The following EIF4EBP2 variants were observed in gnomAD, a reference collection of about 807,000 sequenced individuals.
EIF4EBP2 encodes the protein eukaryotic translation initiation factor 4E binding protein 2, also known as eukaryotic translation initiation factor 4E-binding protein 2.
Under a neutral mutation model 10.3 loss-of-function variants are expected in EIF4EBP2, and 5 were observed. The observed-to-expected ratio is 0.48, with a 90% confidence interval of 0.25 to 1.02. EIF4EBP2 has a LOEUF of 1.02. EIF4EBP2 is among the 50% of genes least tolerant of loss of function. EIF4EBP2 has a pLI of 0.15. For synonymous variants in EIF4EBP2, 67 were observed against 61.1 expected, an observed-to-expected ratio of 1.10 and a Z score of -0.45; for missense variants, 188 against 162.2, an observed-to-expected ratio of 1.16 and a Z score of -0.86.
Position 70,426,289 on chromosome 10 carries a change from G to T in EIF4EBP2, c.*4542G>T, listed in dbSNP as rs1188968515. 1 of 152,116 alleles carries T rather than the reference G, an allele frequency of 6.6e-6. No individual in the cohort carries two copies. Among genetic ancestry groups the T allele is most frequent in the African/African-American group, 2.4e-5 (1 of 41,420 alleles). 9.4% of individuals were successfully genotyped at this position (152,116 alleles called of 1,614,324 possible). On this transcript the variant is annotated 3_prime_UTR_variant, in exon 3 of 3. Transcript: ENST00000373218. ...TTCTTTCTTTTTTTCTGAGACAAGA[G>T]TTGCGCCCTGTCGCCCAGGCTGGGG...
intron 1 of EIF4EBP2, among the ~76,000 whole-genome samples, chr10:70,413,382 T>C (rs915996615): frequency 2.0e-5 from 3 of 151,206 alleles, no homozygotes; most frequent in Non-Finnish European, 2.9e-5. Flanking sequence ...TCCCAACACT[T>C]TGTGAGGCCA....
intron 2 of EIF4EBP2, among the ~76,000 whole-genome samples, chr10:70,421,445 CT>C (rs2137232745): frequency 6.6e-6 from 1 of 152,318 alleles, no homozygotes; most frequent in South Asian, 2.1e-4. Context: ...TCCCCAAGAG[CT>C]GCTGTTTAGT....
In EIF4EBP2 at chr10:70,404,562, C is replaced by G; in HGVS notation, c.145+16C>G. ...ACACCGGGAGGTGAGCGCCGGCCAG[C>G]CGTCCGCCGCGCCCGGTGTCCCGCC... On this transcript the variant is annotated intron_variant, in intron 1 of 2. Coordinates refer to ENST00000373218, the MANE Select transcript of EIF4EBP2 (RefSeq NM_004096.5). The G allele has an allele frequency of 2.6e-6, 4 of 1,527,824 alleles. No homozygotes were observed. Among genetic ancestry groups the G allele is most frequent in the Non-Finnish European group, 3.5e-6 (4 of 1,141,914 alleles). 94.6% of individuals were successfully genotyped at this position (1,527,824 alleles called of 1,614,324 possible).
At chr10:70,411,521 C>G (rs1046278291) in intron 1 of EIF4EBP2, among the ~76,000 whole-genome samples, 5 of 152,316 alleles carry the variant, frequency 3.3e-5, no homozygotes, top group African/African-American at 1.2e-4. Flanking sequence ...TTTCCACTCT[C>G]AGAGAAACCA....
rs1845212342 is a variant in EIF4EBP2, at chr10:70,427,119, G to A, written c.*5372G>A. ...AAGCCACACTGCCTTTCTGTGTCTG[G>A]TTCAGAGCTCTTCCTTCTTGGCATG... On this transcript the variant is annotated 3_prime_UTR_variant, in exon 3 of 3. Coordinates refer to ENST00000373218, the MANE Select transcript of EIF4EBP2 (RefSeq NM_004096.5). The A allele has an allele frequency of 6.6e-6, 1 of 152,164 alleles. No homozygotes were observed. Among genetic ancestry groups the A allele is most frequent in the African/African-American group, 2.4e-5 (1 of 41,436 alleles). 9.4% of individuals were successfully genotyped at this position (152,164 alleles called of 1,614,324 possible). A position where few individuals can be genotyped will look rare whatever the true frequency, so the allele number is the denominator to read the frequency against.
At chr10:70,408,456 T>C (rs1845007112) in intron 1 of EIF4EBP2, among the ~76,000 whole-genome samples, 1 of 152,234 alleles carries the variant, frequency 6.6e-6, no homozygotes, top group Non-Finnish European at 1.5e-5. Flanking sequence ...TTAATATCTT[T>C]ATAAGGACAT....
At chr10:70,416,941 G>T (rs1224929300) in intron 1 of EIF4EBP2, among the ~76,000 whole-genome samples, 1 of 152,162 alleles carries the variant, frequency 6.6e-6, no homozygotes, top group African/African-American at 2.4e-5. Flanking sequence ...GGGATTACAG[G>T]TGTGAGCCAT....
chr10:70,428,592 T>G lies in EIF4EBP2; in HGVS notation c.*6845T>G, dbSNP rs1589150362. 6.6e-6 allele frequency: 1 copy of G among 152,270 alleles called. No homozygotes were observed. The highest frequency in any genetic ancestry group is 1.5e-5 in the Non-Finnish European group (1 of 68,044). 9.4% of individuals were successfully genotyped at this position (152,270 alleles called of 1,614,324 possible). A position where few individuals can be genotyped will look rare whatever the true frequency, so the allele number is the denominator to read the frequency against. Reference sequence around the variant, plus strand: ...TCTCATCAATGGTTGCTGTTATAGTTAAATCAGTAAAGATCTTGAGTATCA... The same window carrying G: ...TCTCATCAATGGTTGCTGTTATAGTGAAATCAGTAAAGATCTTGAGTATCA... On this transcript the variant is annotated 3_prime_UTR_variant, in exon 3 of 3. Coordinates refer to ENST00000373218, the MANE Select transcript of EIF4EBP2 (RefSeq NM_004096.5).
chr10:70,404,572 C>A, intron 1 of EIF4EBP2, 26 bp downstream of exon 1: 1 of 1,512,460 alleles, frequency 6.6e-7, no homozygotes, highest in Non-Finnish European at 8.8e-7. Flanking sequence ...CCGTCCGCCG[C>A]GCCCGGTGTC....
chr10:70,412,693 G>C (rs1224040266), intron 1 of EIF4EBP2, among the ~76,000 whole-genome samples: 1 of 152,114 alleles, frequency 6.6e-6, no homozygotes, highest in Non-Finnish European at 1.5e-5. Context: ...TAGATTCAAA[G>C]GTAGATAGGG....
chr10:70,407,095 C>T (rs1844972997), intron 1 of EIF4EBP2, among the ~76,000 whole-genome samples: 1 of 151,038 alleles, frequency 6.6e-6, no homozygotes, highest in Non-Finnish European at 1.5e-5. Context: ...GATAGGGTTT[C>T]ACCATGTTAG....
rs1433968564 is a variant in EIF4EBP2 at position 70,427,955 on chromosome 10, T to A, written c.*6208T>A. 2.0e-5 allele frequency: 3 copies of A among 149,494 alleles called. No individual in the cohort carries two copies. Among genetic ancestry groups the A allele is most frequent in the Non-Finnish European group, 4.5e-5 (3 of 67,120 alleles). 9.3% of individuals were successfully genotyped at this position (149,494 alleles called of 1,614,324 possible). Reference sequence around the variant, plus strand: ...AAGTGTATCCCCTTTCTCTCCAGCTTAATCTTTTTTTTTTTTTTTTTTTTA... The same window carrying A: ...AAGTGTATCCCCTTTCTCTCCAGCTAAATCTTTTTTTTTTTTTTTTTTTTA... On this transcript the variant is annotated 3_prime_UTR_variant, in exon 3 of 3. Coordinates refer to ENST00000373218, the MANE Select transcript of EIF4EBP2 (RefSeq NM_004096.5).
chr10:70,408,166 C>G (rs536503834), intron 1 of EIF4EBP2, among the ~76,000 whole-genome samples: 1 of 117,702 alleles, frequency 8.5e-6, no homozygotes, highest in South Asian at 3.1e-4. Flanking sequence ...GCTGACCCCC[C>G]CCACCTCCCT....
chr10:70,419,087 A>C (rs547166867), intron 1 of EIF4EBP2, among the ~76,000 whole-genome samples: 13 of 152,288 alleles, frequency 8.5e-5, no homozygotes, highest in Admixed American at 4.6e-4. Flanking sequence ...AAACTGTTGG[A>C]ATTACAGGCA....
intron 1 of EIF4EBP2, among the ~76,000 whole-genome samples, chr10:70,416,810 A>G (rs919266459): frequency 7.2e-5 from 11 of 151,754 alleles, no homozygotes; most frequent in Non-Finnish European, 1.6e-4. Context: ...GACTATAGGC[A>G]TGCAACACCA....
At position 70,404,420 on chromosome 10, in the gene EIF4EBP2, A is replaced by T; in HGVS notation, c.19A>T (p.Ser7Cys). The change falls in exon 1 of 3, where the codon AGC (serine) becomes TGC (cysteine). Residue 7 changes from serine to cysteine, a missense_variant. Transcript: ENST00000373218. Reference sequence around the variant, plus strand: ...CACAGCCATGTCCTCGTCAGCCGGCAGCGGCCACCAGCCCAGCCAGAGCCG... The same window carrying T: ...CACAGCCATGTCCTCGTCAGCCGGCTGCGGCCACCAGCCCAGCCAGAGCCG... MSSSAG[S>C]GHQPSQSRAI... is the part of the protein sequence containing the mutation. The T allele has an allele frequency of 6.3e-7, 1 of 1,587,602 alleles. No homozygotes were observed. Among genetic ancestry groups the T allele is most frequent in the Non-Finnish European group, 8.5e-7 (1 of 1,170,020 alleles).
At chr10:70,404,830 C>A (rs886214261) in intron 1 of EIF4EBP2, among the ~76,000 whole-genome samples, 1 of 152,262 alleles carries the variant, frequency 6.6e-6, no homozygotes, top group Non-Finnish European at 1.5e-5. Flanking sequence ...CCAGTTCTCT[C>A]TCTCCTCTCT....
intron 1 of EIF4EBP2, among the ~76,000 whole-genome samples, chr10:70,412,261 C>T (rs181953433): frequency 6.6e-6 from 1 of 152,192 alleles, no homozygotes; most frequent in East Asian, 1.9e-4. Context: ...GTGGGTCCAT[C>T]TCAGCCTTTT....
Position 70,424,922 on chromosome 10 carries a change from A to T in EIF4EBP2, c.*3175A>T, listed in dbSNP as rs1310179665. 1 of 152,228 alleles carries T rather than the reference A, an allele frequency of 6.6e-6. No individual in the cohort carries two copies. Among genetic ancestry groups the T allele is most frequent in the African/African-American group, 2.4e-5 (1 of 41,464 alleles). The allele number at this position is 152,228 out of a possible 1,614,324, so 9.4% of individuals were successfully genotyped here. On this transcript the variant is annotated 3_prime_UTR_variant, in exon 3 of 3. Transcript: ENST00000373218. The stretch of plus-strand genomic sequence containing the variant: ...TTTTGTCCTTCCACCTGTATTAGTT[A>T]TCTATTGCTGTGTAAAAAATTACCC...
Sources: allele counts gnomAD v4.1 joint callset (sites outside exome capture counted in the v4.1 genomes callset), GRCh38; gene constraint gnomAD v4.1.1; transcripts MANE v1.5; gene names NCBI Gene and HGNC (gene_info 2026-07-23, HGNC 2026-07-21).